The following EHMT1 variants were observed in gnomAD, a reference collection of about 807,000 sequenced individuals.
EHMT1 encodes euchromatic histone lysine methyltransferase 1.
A neutral mutation model predicts 147.2 loss-of-function variants in EHMT1; 15 were observed. The ratio of observed to expected loss-of-function variants is 0.10; its 90% CI spans 0.07 to 0.16. The LOEUF is 0.16. EHMT1 is among the 10% of genes least tolerant of loss of function. The pLI, the probability that EHMT1 is intolerant of heterozygous loss-of-function variation, is 1.00. For synonymous variants in EHMT1, 795 were observed against 709.6 expected (o/e 1.12, Z -1.91); for missense variants, 1,587 against 1,772.4 (o/e 0.90, Z 1.88).
chr9:137,831,470 T>C (rs143887326), intron 25 of EHMT1, among the ~76,000 whole-genome samples: 69 of 152,374 alleles, frequency 4.5e-4, no homozygotes, highest in African/African-American at 1.4e-3. Flanking sequence ...TGTTTGACTT[T>C]ACCTGTCATT....
At chr9:137,826,777 G>A (rs887424527) in intron 25 of EHMT1, among the ~76,000 whole-genome samples, 1 of 152,212 alleles carries the variant, frequency 6.6e-6, no homozygotes, top group Non-Finnish European at 1.5e-5. Flanking sequence ...TGCTGATGCG[G>A]CTGTGGCCTT....
chr9:137,627,739 C>T (rs567595121), intron 1 of EHMT1, among the ~76,000 whole-genome samples: 1 of 149,794 alleles, frequency 6.7e-6, no homozygotes, highest in African/African-American at 2.5e-5. Flanking sequence ...TTGGTCTTGT[C>T]GCCCAGGCTG....
intron 1 of EHMT1, among the ~76,000 whole-genome samples, chr9:137,640,786 T>G (rs1844427594): frequency 6.6e-6 from 1 of 152,190 alleles, no homozygotes. Flanking sequence ...TAGGAAGGGA[T>G]AAAAATGAGT....
chr9:137,674,495 G>A (rs1941034279), intron 1 of EHMT1, among the ~76,000 whole-genome samples: 1 of 152,170 alleles, frequency 6.6e-6, no homozygotes, highest in Non-Finnish European at 1.5e-5. Flanking sequence ...CGGCTCCAGC[G>A]CTCTTTCTTT....
intron 25 of EHMT1, among the ~76,000 whole-genome samples, chr9:137,818,562 C>T (rs1338077572): frequency 7.0e-6 from 1 of 142,386 alleles, no homozygotes; most frequent in African/African-American, 3.0e-5. Flanking sequence ...TGAGGGGCGC[C>T]GTGTACCGAG....
chr9:137,641,378 A>T, intron 1 of EHMT1: 1 of 517,690 alleles, frequency 1.9e-6, no homozygotes, highest in Non-Finnish European at 3.8e-6. Context: ...CAAAATAAAA[A>T]CCTATTCTGT....
At position 137,771,349 on chromosome 9, in the gene EHMT1, G is replaced by A. The variant is rs552597721; in HGVS notation, c.1648-3760G>A. Among the ~76,000 whole-genome samples the A allele has an allele frequency of 5.3e-5, 8 of 151,990 alleles. No homozygotes were observed. In the East Asian group the frequency reaches 1.5e-3, roughly 29 times the overall value. On this transcript the variant is annotated intron_variant, in intron 10 of 26. Transcript: ENST00000460843. ...CAAGTCACTGGGATTACAGGTGCTC[G>A]CCACCATGCCTGGCTAATGTTTTTG...
chr9:137,809,026 G>C (rs998565451), intron 18 of EHMT1, among the ~76,000 whole-genome samples: 1 of 152,184 alleles, frequency 6.6e-6, no homozygotes, highest in South Asian at 2.1e-4. Context: ...TGTTCAAGGA[G>C]CTCTGAAATG....
chr9:137,691,309 T>TTATATATATATATA (rs543280328), intron 1 of EHMT1, among the ~76,000 whole-genome samples: 29 of 147,574 alleles, frequency 2.0e-4, no homozygotes, highest in African/African-American at 6.0e-4. Context: ...ATATATGTAA[T>TTATATATATATATA]TATATATATA....
At chr9:137,654,986 G>C (rs1033761498) in intron 1 of EHMT1, among the ~76,000 whole-genome samples, 4 of 151,774 alleles carry the variant, frequency 2.6e-5, no homozygotes, top group African/African-American at 7.2e-5. Flanking sequence ...GTGGTTAACT[G>C]TTTTTTCCTT....
At chr9:137,717,419 G>A (rs757625802) in intron 3 of EHMT1, 43 of 621,956 alleles carry the variant, frequency 6.9e-5, no homozygotes, top group South Asian at 6.2e-4. Flanking sequence ...CCTGGGCAGC[G>A]TGGCGAAACT....
chr9:137,733,310 T>C (rs1323278504), intron 4 of EHMT1, among the ~76,000 whole-genome samples: 1 of 152,240 alleles, frequency 6.6e-6, no homozygotes, highest in African/African-American at 2.4e-5. Context: ...GCTTGTTCTG[T>C]ATCTTTCCCA....
At chr9:137,790,592 C>T (rs1952450855) in intron 15 of EHMT1, among the ~76,000 whole-genome samples, 2 of 152,086 alleles carry the variant, frequency 1.3e-5, no homozygotes, top group South Asian at 4.1e-4. Flanking sequence ...TTGTCACACT[C>T]CTGAGCTATA....
intron 15 of EHMT1, chr9:137,784,519 C>G (rs1462766409): frequency 2.7e-6 from 2 of 745,242 alleles, no homozygotes; most frequent in Non-Finnish European, 3.3e-6. Flanking sequence ...GTCGTTCTTG[C>G]GTCTTTTGAA....
chr9:137,810,553 TTTC>T (rs2137648001), intron 18 of EHMT1, among the ~76,000 whole-genome samples: 1 of 152,362 alleles, frequency 6.6e-6, no homozygotes, highest in South Asian at 2.1e-4. Context: ...CGTTTTTTAT[TTTC>T]TTCTCCTTTG....
intron 1 of EHMT1, among the ~76,000 whole-genome samples, chr9:137,666,289 G>A (rs966640894): frequency 2.6e-5 from 4 of 152,250 alleles, no homozygotes; most frequent in Non-Finnish European, 5.9e-5. Context: ...GCTCAGGCCC[G>A]TTCCACATTT....
Position 137,798,687 on chromosome 9 carries a change from G to A in EHMT1, c.2506-126G>A. Reference sequence around the variant, plus strand: ...CCTCGGCCTCAGCCTGGGTTTCCTTGTCATTTGAGCAGGACAGTACCCCAC... The same window carrying A: ...CCTCGGCCTCAGCCTGGGTTTCCTTATCATTTGAGCAGGACAGTACCCCAC... On this transcript the variant is annotated intron_variant, in intron 16 of 26. Transcript: ENST00000460843. 9.8e-6 allele frequency: 8 copies of A among 817,332 alleles called. No individual in the cohort carries two copies. In the Admixed American group the frequency reaches 1.4e-4, roughly 14 times the overall value. 50.6% of individuals were successfully genotyped at this position (817,332 alleles called of 1,614,324 possible).
intron 1 of EHMT1, among the ~76,000 whole-genome samples, chr9:137,667,895 C>G (rs916622802): frequency 6.6e-6 from 1 of 152,012 alleles, no homozygotes; most frequent in Non-Finnish European, 1.5e-5. Context: ...TTCGTGGAAT[C>G]CAGAAAAGAG....
chr9:137,792,843 G>A (rs1242768665), intron 16 of EHMT1, among the ~76,000 whole-genome samples: 2 of 152,230 alleles, frequency 1.3e-5, no homozygotes, highest in Non-Finnish European at 2.9e-5. Flanking sequence ...ACAAAAGCAT[G>A]ATCAAAGAAA....
Sources: allele counts gnomAD v4.1 joint callset (sites outside exome capture counted in the v4.1 genomes callset), GRCh38; gene constraint gnomAD v4.1.1; transcripts MANE v1.5; gene names NCBI Gene and HGNC (gene_info 2026-07-23, HGNC 2026-07-21).